The following AGO1 variants were observed in gnomAD, a reference collection of about 807,000 sequenced individuals.
The protein encoded by AGO1 is protein argonaute-1.
In AGO1, 11 loss-of-function variants were observed where a neutral mutation model predicts 109.2. The observed-to-expected ratio is 0.10, with a 90% CI of 0.06 to 0.17. The LOEUF (loss-of-function observed/expected upper bound fraction) is 0.17, where lower values mean the gene tolerates loss of function less well. Ranked by LOEUF, AGO1 falls within the 10% of genes least tolerant of loss-of-function variation. The pLI is 1.00. For missense variants in AGO1, 574 were observed against 1,140.3 expected (o/e 0.50, Z 7.15); for synonymous variants, 422 against 418.6 (o/e 1.01, Z -0.10).
rs527469804 is a variant in AGO1 at position 35,888,175 on chromosome 1, A to G, written c.26-252A>G. Among the ~76,000 whole-genome samples, 20 of 152,336 alleles carry G rather than the reference A, an allele frequency of 1.3e-4. 1 individual carries two copies. Among genetic ancestry groups the G allele is most frequent in the African/African-American group, 4.3e-4 (18 of 41,574 alleles). On this transcript the variant is annotated intron_variant, in intron 1 of 18. Coordinates refer to ENST00000373204, the MANE Select transcript of AGO1 (RefSeq NM_012199.5). This position sits in a 1 kb window ranked among gnomAD's most constrained non-coding sequence, Gnocchi z 4.1. Reference sequence around the variant, plus strand: ...TTAACATGCAATAGGAACTTATTATATATTAACTTAATGAATTAAAAATAG... The same window carrying G: ...TTAACATGCAATAGGAACTTATTATGTATTAACTTAATGAATTAAAAATAG...
chr1:35,890,483 A>C (rs935451871), intron 2 of AGO1, among the ~76,000 whole-genome samples: 1 of 152,214 alleles, frequency 6.6e-6, no homozygotes, highest in Non-Finnish European at 1.5e-5. Flanking sequence ...AAGATATTAC[A>C]TACCGGCACA....
chr1:35,905,705 A>G (rs2148718187), intron 11 of AGO1, among the ~76,000 whole-genome samples: 1 of 152,198 alleles, frequency 6.6e-6, no homozygotes. Flanking sequence ...TCCTGGCCTC[A>G]AGTGATCCGC....
intron 1 of AGO1, among the ~76,000 whole-genome samples, chr1:35,873,980 G>A (rs769762570): frequency 3.9e-5 from 6 of 152,180 alleles, no homozygotes; most frequent in Non-Finnish European, 8.8e-5. Flanking sequence ...ATTTCCAACA[G>A]CATGTGCTCA....
chr1:35,902,153 C>T (rs1412880445), intron 10 of AGO1, 51 bp from the exon 11 acceptor site: 1 of 1,595,010 alleles, frequency 6.3e-7, no homozygotes, highest in Non-Finnish European at 8.6e-7. Flanking sequence ...GCTCCCCTAC[C>T]CACCTGACTC....
intron 1 of AGO1, among the ~76,000 whole-genome samples, chr1:35,872,367 G>A (rs1644958651): frequency 6.6e-6 from 1 of 151,618 alleles, no homozygotes; most frequent in Non-Finnish European, 1.5e-5. Flanking sequence ...TGTATTTTTA[G>A]TAGAGACAAG....
intron 1 of AGO1, among the ~76,000 whole-genome samples, chr1:35,876,883 G>A (rs371418157): frequency 6.6e-6 from 1 of 152,176 alleles, no homozygotes; most frequent in East Asian, 1.9e-4. Flanking sequence ...CCTGGGCTGG[G>A]CTTAAGTGAT....
In AGO1 at chr1:35,914,617, G is replaced by C. The variant is rs547240756; in HGVS notation, c.1833+343G>C. On this transcript the variant is annotated intron_variant, in intron 14 of 18. Transcript: ENST00000373204. ...TTTAAAGGGAGTTACTTAGTTGCGA[G>C]GACTATCCTTTGCTCTGCCCATCCT... 3.9e-5 allele frequency among the ~76,000 whole-genome samples: 6 copies of C among 152,222 alleles called. No individual in the cohort carries two copies. The East Asian group carries it at 1.2e-3, about 29-fold the overall frequency.
chr1:35,903,886 C>T (rs946548664), intron 11 of AGO1, among the ~76,000 whole-genome samples: 1 of 151,746 alleles, frequency 6.6e-6, no homozygotes, highest in Non-Finnish European at 1.5e-5. Flanking sequence ...TCGCTTGAAC[C>T]CGGGAGGCAG....
chr1:35,897,653 A>G, intron 8 of AGO1, among the ~76,000 whole-genome samples: 1 of 152,076 alleles, frequency 6.6e-6, no homozygotes, highest in Non-Finnish European at 1.5e-5. Flanking sequence ...GCTGAGGTGG[A>G]AGCATTGCTT....
Position 35,883,233 on chromosome 1 carries a change from A to T in AGO1, c.-189A>T, listed in dbSNP as rs1379140477. The stretch of plus-strand genomic sequence containing the variant: ...CACTGGCAGCTGGCCGGGCGCTCGC[A>T]GTGGGAGCTGCTGCAGGCTCCGCGG... On this transcript the variant is annotated 5_prime_UTR_variant, in exon 1 of 19. Coordinates refer to ENST00000373204, the MANE Select transcript of AGO1 (RefSeq NM_012199.5). This position sits in a 1 kb window ranked among gnomAD's most constrained non-coding sequence, Gnocchi z 5.4. The T allele has an allele frequency of 3.2e-6, 4 of 1,247,082 alleles. No homozygotes were observed. The African/African-American group carries it at 4.8e-5, about 15-fold the overall frequency. 77.3% of individuals were successfully genotyped at this position (1,247,082 alleles called of 1,614,324 possible). A position where few individuals can be genotyped will look rare whatever the true frequency, so the allele number is the denominator to read the frequency against.
chr1:35,891,604 G>A (rs755071714), intron 2 of AGO1, among the ~76,000 whole-genome samples: 3 of 150,668 alleles, frequency 2.0e-5, no homozygotes, highest in South Asian at 2.1e-4. Flanking sequence ...TCACTTTATC[G>A]TCCAGGCTGG....
intron 8 of AGO1, among the ~76,000 whole-genome samples, chr1:35,896,452 TCCCAGGTTC>T (rs1645321483): frequency 1.3e-5 from 2 of 151,290 alleles, no homozygotes; most frequent in Non-Finnish European, 2.9e-5. Context: ...CTCCTCAGCC[TCCCAGGTTC>T]AAGCAATTCT....
At chr1:35,885,542 G>T (rs116684997) in intron 1 of AGO1, among the ~76,000 whole-genome samples, 10 of 152,294 alleles carry the variant, frequency 6.6e-5, no homozygotes, top group African/African-American at 2.2e-4. Flanking sequence ...GGCCCGGACT[G>T]TTCTCTTATA....
At chr1:35,885,195 T>G (rs1167404849) in intron 1 of AGO1, among the ~76,000 whole-genome samples, 1 of 152,114 alleles carries the variant, frequency 6.6e-6, no homozygotes, top group Non-Finnish European at 1.5e-5. Flanking sequence ...GGAACTTCTG[T>G]TTTTCAAGGC....
At chr1:35,895,965 G>T (rs1482013237) in intron 8 of AGO1, among the ~76,000 whole-genome samples, 1 of 152,082 alleles carries the variant, frequency 6.6e-6, no homozygotes, top group African/African-American at 2.4e-5. Context: ...TGCTTAAAAT[G>T]CAGATTTCAG....
chr1:35,883,125 C>T, upstream of AGO1: 1 of 1,097,832 alleles, frequency 9.1e-7, no homozygotes, highest in East Asian at 5.7e-5. The surrounding 1 kb of genome is among the most constrained non-coding windows in gnomAD (Gnocchi z 5.4). Flanking sequence ...GCCCCCGCCC[C>T]TCTCCATTGG....
Position 35,919,291 on chromosome 1 carries a change from C to T in AGO1, c.2465+37C>T, listed in dbSNP as rs759271470. The T allele has an allele frequency of 1.3e-6, 2 of 1,591,178 alleles. No homozygotes were observed. Among genetic ancestry groups the T allele is most frequent in the East Asian group, 4.6e-5 (2 of 43,838 alleles). ...GATCAGGTTGGCCTCCTTTTTGCTT[C>T]AGCCTATTGTGCCAGATCTTCTTAA... On this transcript the variant is annotated intron_variant, in intron 18 of 18. Coordinates refer to ENST00000373204, the MANE Select transcript of AGO1 (RefSeq NM_012199.5). The surrounding 1 kb of genome is among the most constrained non-coding windows in gnomAD (Gnocchi z 6.6).
chr1:35,906,537 G>A (rs954077791), intron 11 of AGO1, among the ~76,000 whole-genome samples: 2 of 152,018 alleles, frequency 1.3e-5, no homozygotes, highest in African/African-American at 4.8e-5. Flanking sequence ...AGCTGGGTGC[G>A]GTGGCTCATG....
intron 1 of AGO1, among the ~76,000 whole-genome samples, chr1:35,876,229 A>C (rs1644990952): frequency 1.3e-5 from 2 of 151,956 alleles, no homozygotes; most frequent in South Asian, 4.1e-4. Context: ...TCATGATAAA[A>C]CTTGAACAGA....
Sources: gnomAD v4.1 joint callset for allele counts (sites outside exome capture counted in the v4.1 genomes callset) on GRCh38, gnomAD v4.1.1 for gene constraint, Gnocchi (gnomAD v3.1) non-coding constraint, MANE v1.5 for transcripts, NCBI Gene and HGNC (gene_info 2026-07-23, HGNC 2026-07-21) for gene names.